The following HTR2C variants were observed in gnomAD, a reference collection of about 807,000 sequenced individuals.
HTR2C encodes 5-hydroxytryptamine (serotonin) receptor 2C, G protein-coupled.
Under a neutral mutation model 21.0 loss-of-function variants are expected in HTR2C, and 5 were observed. The observed-to-expected ratio is 0.24, with a 90% CI of 0.12 to 0.50. The LOEUF (loss-of-function observed/expected upper bound fraction) is 0.50, where lower values mean the gene tolerates loss of function less well. Ranked by LOEUF, HTR2C falls within the 20% of genes least tolerant of loss-of-function variation. The probability of loss-of-function intolerance (pLI) is 0.98; values close to 1 mark genes in which losing one functional copy is unlikely to be tolerated. For missense variants in HTR2C, 271 were observed against 371.2 expected, an observed-to-expected ratio of 0.73 and a Z score of 2.22; for synonymous variants, 150 against 145.3, an observed-to-expected ratio of 1.03 and a Z score of -0.23.
chrX:114,701,222 C>T (rs180978870), intron 2 of HTR2C, among the ~76,000 whole-genome samples: 121 of 112,005 alleles, frequency 1.1e-3, no homozygotes, highest in African/African-American at 3.5e-3. Context: ...TCTCCCAGCA[C>T]GCAGCTGGAG....
chrX:114,724,913 G>C (rs868978820), intron 2 of HTR2C, among the ~76,000 whole-genome samples: 3 of 108,424 alleles, frequency 2.8e-5, no homozygotes, highest in South Asian at 4.3e-4. Flanking sequence ...TTCCCTTTGA[G>C]AGTAACCCGA....
At chrX:114,614,071 GA>G (rs1217072844) in intron 2 of HTR2C, among the ~76,000 whole-genome samples, 190 bp downstream of exon 2, 23 of 102,786 alleles carry the variant, frequency 2.2e-4, no homozygotes, top group Non-Finnish European at 2.8e-4. Context: ...AATGCAACCT[GA>G]AAAAAAAAAA....
At chrX:114,764,339 G>C (rs1206053481) in intron 4 of HTR2C, among the ~76,000 whole-genome samples, 15 of 103,704 alleles carry the variant, frequency 1.4e-4, no homozygotes, top group Non-Finnish European at 2.9e-4. Context: ...TGGAGGTTGC[G>C]ATGAGCCGAG....
intron 5 of HTR2C, among the ~76,000 whole-genome samples, chrX:114,849,293 C>A: frequency 8.9e-6 from 1 of 112,064 alleles, no homozygotes; most frequent in Non-Finnish European, 1.9e-5. Context: ...AGGAAATACA[C>A]AGACAGAATA....
intron 2 of HTR2C, among the ~76,000 whole-genome samples, chrX:114,716,390 T>C (rs1378015868): frequency 8.9e-6 from 1 of 112,282 alleles, no homozygotes; most frequent in Admixed American, 9.5e-5. Context: ...AATTTAACAA[T>C]AATCACGCTC....
chrX:114,765,189 A>G (rs1556434433), intron 4 of HTR2C, among the ~76,000 whole-genome samples: 2 of 109,278 alleles, frequency 1.8e-5, no homozygotes, highest in African/African-American at 6.7e-5. Context: ...GGAAACTTTC[A>G]GTGATTTTTA....
chrX:114,776,863 C>T, intron 4 of HTR2C: 1 of 161,659 alleles, frequency 6.2e-6, no homozygotes. Flanking sequence ...GCTATATTTA[C>T]TTCTTGAAAG....
In HTR2C at chrX:114,807,069, A is replaced by C. The variant is rs782266681; in HGVS notation, c.350-40934A>C. On this transcript the variant is annotated intron_variant, in intron 4 of 5. Transcript: ENST00000276198. ...TATACCATATATACACCATATATAT[A>C]CCATATATACACCATATATATACCC... 1.9e-3 allele frequency among the ~76,000 whole-genome samples: 59 copies of C among 30,498 alleles called. 8 individuals are homozygous for C. The highest frequency in any genetic ancestry group is 3.6e-3 in the African/African-American group (59 of 16,225). The allele number at this position is 30,498 out of a possible 115,157, so 26.5% of individuals were successfully genotyped here. A position where few individuals can be genotyped will look rare whatever the true frequency, so the allele number is the denominator to read the frequency against.
chrX:114,836,661 G>A (rs1047149048), intron 4 of HTR2C, among the ~76,000 whole-genome samples: 12 of 112,080 alleles, frequency 1.1e-4, no homozygotes, highest in Non-Finnish European at 1.1e-4. Flanking sequence ...GAAATCACCC[G>A]TCTTCTGCAT....
intron 2 of HTR2C, among the ~76,000 whole-genome samples, chrX:114,708,194 A>G (rs782686275): frequency 1.0e-3 from 116 of 111,787 alleles, no homozygotes; most frequent in Non-Finnish European, 1.8e-3. Context: ...TACTCATGAA[A>G]TCAACATACC....
At chrX:114,604,215 T>G (rs1316405660) in intron 1 of HTR2C, among the ~76,000 whole-genome samples, 10 of 107,871 alleles carry the variant, frequency 9.3e-5, no homozygotes, top group South Asian at 8.4e-4. Flanking sequence ...GCAATGAGAT[T>G]TAGCTGTAGT....
chrX:114,680,284 A>G lies in HTR2C; in HGVS notation c.-79-46574A>G, dbSNP rs1231196780. On this transcript the variant is annotated intron_variant, in intron 2 of 5. Transcript: ENST00000276198. ...ATTTATTAAGTGAGTAATGTATACC[A>G]TAGAGAAGGAAAAACTTAGCCTCTA... 1.2e-4 allele frequency among the ~76,000 whole-genome samples: 14 copies of G among 112,438 alleles called. No homozygotes were observed. In the Admixed American group the frequency reaches 1.3e-3, roughly 11 times the overall value.
intron 3 of HTR2C, among the ~76,000 whole-genome samples, chrX:114,728,795 G>A (rs182862431): frequency 1.3e-4 from 14 of 111,340 alleles, no homozygotes; most frequent in East Asian, 5.6e-4. Context: ...AATTTTCTTC[G>A]TATATGTTTC....
intron 2 of HTR2C, among the ~76,000 whole-genome samples, chrX:114,681,387 G>A (rs1931741299): frequency 9.0e-6 from 1 of 110,580 alleles, no homozygotes; most frequent in African/African-American, 3.3e-5. Flanking sequence ...TTTACTTGCT[G>A]TATTTTATAT....
rs782454250 is a variant in HTR2C, at chrX:114,680,877, T to A, written c.-79-45981T>A. 1.1e-4 allele frequency among the ~76,000 whole-genome samples: 12 copies of A among 111,393 alleles called. No individual in the cohort carries two copies. The South Asian group carries it at 1.1e-3, about 10-fold the overall frequency. On this transcript the variant is annotated intron_variant, in intron 2 of 5. Coordinates refer to ENST00000276198, the MANE Select transcript of HTR2C (RefSeq NM_000868.4). ...AAGCAACATTTAATGTTAATTTTTT[T>A]TAAATTATATGTCCCTTTATCCTAT...
intron 2 of HTR2C, among the ~76,000 whole-genome samples, chrX:114,614,644 A>G (rs1280048360): frequency 9.0e-6 from 1 of 111,535 alleles, no homozygotes; most frequent in Non-Finnish European, 1.9e-5. Flanking sequence ...TAGAAAACAT[A>G]GCTAGCTCTT....
At chrX:114,587,368 C>A (rs1308154074) in intron 1 of HTR2C, among the ~76,000 whole-genome samples, 1 of 111,376 alleles carries the variant, frequency 9.0e-6, no homozygotes. Context: ...GGATGATGTA[C>A]GTGTACTGAG....
intron 3 of HTR2C, 128 bp downstream of exon 3, chrX:114,727,099 C>A (rs1270438042): frequency 2.6e-6 from 1 of 391,796 alleles, no homozygotes; most frequent in Non-Finnish European, 4.2e-6. Context: ...GGCTTGCTTC[C>A]CAAAAGACTA....
chrX:114,710,349 A>T (rs1467759630), intron 2 of HTR2C, among the ~76,000 whole-genome samples: 1 of 111,664 alleles, frequency 9.0e-6, no homozygotes, highest in African/African-American at 3.3e-5. Context: ...CTTATTAGAC[A>T]TAGAGATTGA....
Sources: gnomAD v4.1 joint callset for allele counts (sites outside exome capture counted in the v4.1 genomes callset) on GRCh38, gnomAD v4.1.1 for gene constraint, MANE v1.5 for transcripts, NCBI Gene and HGNC (gene_info 2026-07-23, HGNC 2026-07-21) for gene names.